NAV3: variants seen among roughly 807,000 people sequenced by gnomAD.
NAV3 encodes neuron navigator 3.
Under a neutral mutation model 244.7 loss-of-function variants are expected in NAV3, and 87 were observed. The ratio of observed to expected loss-of-function variants is 0.36; its 90% CI spans 0.30 to 0.42. The LOEUF (loss-of-function observed/expected upper bound fraction) is 0.42. NAV3 is among the 20% of genes least tolerant of loss of function. The probability of loss-of-function intolerance (pLI) is 1.00; values close to 1 mark genes in which losing one functional copy is unlikely to be tolerated. For missense variants in NAV3, 2,663 were observed against 2,893.3 expected (o/e 0.92, Z 1.83); for synonymous variants, 1,126 against 1,042.2 (o/e 1.08, Z -1.55).
intron 2 of NAV3, among the ~76,000 whole-genome samples, chr12:77,702,965 GC>G (rs1875628515): frequency 6.6e-6 from 1 of 151,868 alleles, no homozygotes; most frequent in African/African-American, 2.4e-5. Context: ...ATGGTCTGCT[GC>G]TGACCAATTG....
intron 3 of NAV3, among the ~76,000 whole-genome samples, chr12:77,954,857 T>C (rs970058213): frequency 6.6e-6 from 1 of 152,234 alleles, no homozygotes; most frequent in Non-Finnish European, 1.5e-5. Flanking sequence ...TTTATTACTA[T>C]CTGTTAATAA....
In NAV3 at chr12:78,050,957, C is replaced by T. The variant is rs2137254494; in HGVS notation, c.2326C>T (p.Pro776Ser). 6.2e-7 allele frequency: 1 copy of T among 1,614,032 alleles called. No homozygotes were observed. The highest frequency in any genetic ancestry group is 1.1e-5 in the South Asian group (1 of 91,064). ...TACCAGTCGATTCATCCACACAGAC[C>T]CCTCGAGGTTCATGTATACCACGCC... The part of the protein sequence containing the change: ...SGTSRFIHTD[P>S]SRFMYTTPLR... The change falls in exon 11 of 40, where the codon CCC becomes TCC. Residue 776 changes from proline to serine, a missense_variant. Physicochemically the swap from Pro to Ser is moderately conservative, Grantham distance 74 (BLOSUM62 -1). Coordinates refer to ENST00000397909, the MANE Select transcript of NAV3 (RefSeq NM_001024383.2).
intron 33 of NAV3, 86 bp from the exon 34 acceptor site, chr12:78,189,898 C>A: frequency 1.0e-6 from 1 of 968,726 alleles, no homozygotes; most frequent in South Asian, 1.5e-5. Flanking sequence ...CTATGACTAA[C>A]AATGCTGTTG....
At chr12:77,665,131 A>C (rs1042579860) in intron 2 of NAV3, among the ~76,000 whole-genome samples, 1 of 152,190 alleles carries the variant, frequency 6.6e-6, no homozygotes, top group Non-Finnish European at 1.5e-5. Context: ...TGGAGTGGGG[A>C]TACTTGACCT....
At chr12:78,126,256 C>G (rs1031955908) in intron 16 of NAV3, among the ~76,000 whole-genome samples, 2 of 152,130 alleles carry the variant, frequency 1.3e-5, no homozygotes, top group African/African-American at 4.8e-5. Flanking sequence ...AATTTTAGGT[C>G]AGCCTTTTTA....
intron 2 of NAV3, among the ~76,000 whole-genome samples, chr12:77,609,082 A>G (rs1870795948): frequency 6.6e-6 from 1 of 152,106 alleles, no homozygotes; most frequent in Non-Finnish European, 1.5e-5. Context: ...TTTTGGAAAC[A>G]TTGCTTTATC....
At chr12:78,195,251 A>G (rs558575214) in intron 34 of NAV3, among the ~76,000 whole-genome samples, 1 of 151,964 alleles carries the variant, frequency 6.6e-6, no homozygotes, top group Non-Finnish European at 1.5e-5. Flanking sequence ...CACCAGTAGC[A>G]TGTACTATAT....
chr12:77,822,518 T>C (rs1872787494), intron 2 of NAV3, among the ~76,000 whole-genome samples: 1 of 152,176 alleles, frequency 6.6e-6, no homozygotes, highest in Admixed American at 6.5e-5. Context: ...TCAGTGGGAA[T>C]ACTGGTAAGA....
intron 2 of NAV3, among the ~76,000 whole-genome samples, chr12:77,820,434 C>T (rs1872691039): frequency 6.6e-6 from 1 of 152,082 alleles, no homozygotes; most frequent in East Asian, 1.9e-4. Flanking sequence ...CGACCTCCCT[C>T]CATCAAGTCT....
intron 3 of NAV3, among the ~76,000 whole-genome samples, chr12:77,960,959 A>T (rs1891864559): frequency 6.8e-6 from 1 of 146,046 alleles, no homozygotes; most frequent in Non-Finnish European, 1.5e-5. Flanking sequence ...TGTCTTATGC[A>T]TGTAATATAT....
intron 8 of NAV3, among the ~76,000 whole-genome samples, chr12:78,011,407 A>AT (rs1292125426): frequency 6.6e-6 from 1 of 152,158 alleles, no homozygotes; most frequent in Non-Finnish European, 1.5e-5. Flanking sequence ...ATATTAAACC[A>AT]TTACTGTTAT....
At chr12:77,978,184 C>A (rs1344715428) in intron 5 of NAV3, among the ~76,000 whole-genome samples, 2 of 152,106 alleles carry the variant, frequency 1.3e-5, no homozygotes, top group East Asian at 3.8e-4. Flanking sequence ...GAGATTAACT[C>A]TTAATTTAAG....
intron 1 of NAV3, among the ~76,000 whole-genome samples, chr12:77,894,477 AAAC>A (rs1182449142): frequency 2.6e-5 from 4 of 152,200 alleles, no homozygotes; most frequent in Non-Finnish European, 2.9e-5. Flanking sequence ...CGAGTTTAAA[AAAC>A]AACAATAAGC....
At chr12:77,716,532 T>G (rs1876371476) in intron 2 of NAV3, among the ~76,000 whole-genome samples, 1 of 151,922 alleles carries the variant, frequency 6.6e-6, no homozygotes, top group South Asian at 2.1e-4. Context: ...TAAACATATT[T>G]TTATATTTTT....
intron 1 of NAV3, among the ~76,000 whole-genome samples, chr12:77,873,773 T>TATATATATAA (rs762527287): frequency 0.013 from 1,703 of 128,518 alleles, 38 homozygotes; most frequent in East Asian, 0.037. Context: ...TATATGTATA[T>TATATATATAA]AACAGCATAT....
intron 1 of NAV3, among the ~76,000 whole-genome samples, chr12:77,905,490 C>A (rs1417378582): frequency 6.6e-6 from 1 of 152,072 alleles, no homozygotes; most frequent in Non-Finnish European, 1.5e-5. Context: ...AATCCAGAGA[C>A]TTAGTGTGAT....
chr12:77,905,284 T>A (rs1885848226), intron 1 of NAV3, among the ~76,000 whole-genome samples: 1 of 152,142 alleles, frequency 6.6e-6, no homozygotes, highest in African/African-American at 2.4e-5. Flanking sequence ...AGTATTTAAG[T>A]GGGAAAAATG....
chr12:78,015,927 A>C (rs1361934868), intron 8 of NAV3, among the ~76,000 whole-genome samples: 1 of 152,136 alleles, frequency 6.6e-6, no homozygotes, highest in African/African-American at 2.4e-5. Flanking sequence ...TTGTATGGAC[A>C]AATAGATTTC....
chr12:77,957,031 C>T (rs1436264214), intron 3 of NAV3, among the ~76,000 whole-genome samples: 3 of 152,200 alleles, frequency 2.0e-5, no homozygotes, highest in African/African-American at 7.2e-5. Context: ...GCGTGAGCCA[C>T]CACACCCAGG....
Sources: gnomAD v4.1 joint callset for allele counts (sites outside exome capture counted in the v4.1 genomes callset) on GRCh38, gnomAD v4.1.1 for gene constraint, MANE v1.5 for transcripts, NCBI Gene and HGNC (gene_info 2026-07-23, HGNC 2026-07-21) for gene names.